The following PZP variants were observed in gnomAD, a reference collection of about 807,000 sequenced individuals.
PZP encodes the protein PZP alpha-2-macroglobulin like, also known as pregnancy zone protein.
PZP carries 150 observed loss-of-function variants against 179.8 expected under a neutral mutation model. The ratio of observed to expected loss-of-function variants is 0.83; its 90% CI spans 0.73 to 0.96. PZP has a LOEUF of 0.96. Among genes scored for constraint, PZP ranks in the 40% least tolerant of loss-of-function variants. The pLI is 0.00. For synonymous variants in PZP, 624 were observed against 652.3 expected, an observed-to-expected ratio of 0.96 and a Z score of 0.66; for missense variants, 1,689 against 1,764.0, an observed-to-expected ratio of 0.96 and a Z score of 0.76.
At chr12:9,162,381 G>A in intron 22 of PZP, 2 of 521,088 alleles carry the variant, frequency 3.8e-6, no homozygotes, top group East Asian at 3.4e-5. Context: ...GAAAGCCCAG[G>A]TATTAGTCCT....
intron 13 of PZP, among the ~76,000 whole-genome samples, chr12:9,189,952 C>T (rs1347825717): frequency 6.6e-6 from 1 of 152,056 alleles, no homozygotes; most frequent in East Asian, 1.9e-4. Flanking sequence ...ATTATCATCT[C>T]ACATCAGTCA....
At chr12:9,185,098 A>G (rs926963780) in intron 13 of PZP, among the ~76,000 whole-genome samples, 2 of 152,238 alleles carry the variant, frequency 1.3e-5, no homozygotes, top group African/African-American at 4.8e-5. Flanking sequence ...AAATGACAGA[A>G]ATAGAATTCA....
intron 2 of PZP, 33 bp downstream of exon 2, chr12:9,203,735 G>C (rs372309398): frequency 1.9e-6 from 3 of 1,610,542 alleles, no homozygotes; most frequent in Non-Finnish European, 2.5e-6. Flanking sequence ...AATGTATCAA[G>C]CAGGGATAGC....
In PZP at chr12:9,197,007, C is replaced by T. The variant is rs1359134394; in HGVS notation, c.867+5G>A. The T allele has an allele frequency of 1.3e-6, 2 of 1,588,060 alleles. No homozygotes were observed. The highest frequency in any genetic ancestry group is 2.2e-5 in the East Asian group (1 of 44,736). ...TAGCACTGAGGGAGAATACCGCCTA[C>T]TAACCTGTTGACTGAATTCCTCACA... is the stretch of plus-strand genomic sequence containing the variant. On this transcript the variant is annotated splice_donor_5th_base_variant and intron_variant, in intron 8 of 35. Transcript: ENST00000261336.
chr12:9,200,429 G>A lies in PZP; in HGVS notation c.690C>T (p.Val230=). 2 of 1,610,370 alleles carry A rather than the reference G, an allele frequency of 1.2e-6. No individual in the cohort carries two copies. The highest frequency in any genetic ancestry group is 2.2e-5 in the South Asian group (2 of 90,972). Residue 230 remains valine (V), a synonymous_variant, in exon 7 of 36, where the codon GTC becomes GTT. Transcript: ENST00000261336. The stretch of plus-strand genomic sequence containing the variant: ...TGATTATCTTTGGCACCTGAACTTT[G>A]ACCTCAAACTTGGGAAGCACTGTTA... The part of the protein sequence containing the change: ...VEEFVLPKFE[V]KVQVPKIISI...
At chr12:9,173,943 T>C (rs1014506203) in intron 15 of PZP, among the ~76,000 whole-genome samples, 2 of 152,064 alleles carry the variant, frequency 1.3e-5, no homozygotes, top group African/African-American at 4.8e-5. Context: ...ATTCCAAAAA[T>C]TGAAAAGGAG....
At position 9,181,129 on chromosome 12, in the gene PZP, C is replaced by T; in HGVS notation, c.1693G>A (p.Asp565Asn). 6.2e-7 allele frequency: 1 copy of T among 1,614,056 alleles called. No individual in the cohort carries two copies. Among genetic ancestry groups the T allele is most frequent in the Non-Finnish European group, 8.5e-7 (1 of 1,179,972 alleles). ...EIENCLANKV[D>N]LSFSPAQSPP... is the part of the protein sequence containing the mutation. ...CTTTGTGCTGGGCTGAAGCTCAAAT[C>T]CACCTGTGGGAAATGAAGGAAACGT... The change falls in exon 15 of 36, where the codon GAT becomes AAT. Residue 565 changes from aspartate to asparagine, a missense_variant. Asp to Asn is a conservative substitution (Grantham distance 23). Coordinates refer to ENST00000261336, the MANE Select transcript of PZP (RefSeq NM_002864.3).
At chr12:9,190,799 AT>A (rs769291007) in intron 13 of PZP, among the ~76,000 whole-genome samples, 15 of 152,298 alleles carry the variant, frequency 9.8e-5, no homozygotes, top group Non-Finnish European at 1.6e-4. Context: ...GGTAATAATA[AT>A]TTGGACAGTA....
rs1565671601 is a variant in PZP, at chr12:9,203,810, G to C, written c.225C>G (p.Asp75Glu). 6.2e-7 allele frequency: 1 copy of C among 1,614,006 alleles called. No individual in the cohort carries two copies. The highest frequency in any genetic ancestry group is 1.3e-5 in the African/African-American group (1 of 74,916). ...SGRENRSLFTDLVAEKDLFHC... is the reference protein window; with the variant it reads ...SGRENRSLFTELVAEKDLFHC... ...GGAATAAGTCCTTCTCCGCCACCAGGTCAGTGAAGAGGCTCCTGTTTTCCC... is the reference window on the plus strand; with the variant it reads ...GGAATAAGTCCTTCTCCGCCACCAGCTCAGTGAAGAGGCTCCTGTTTTCCC... Residue 75 changes from aspartate to glutamate, a missense_variant, in exon 2 of 36, where the codon GAC (aspartate) becomes GAG (glutamate). Asp to Glu is a conservative substitution (Grantham distance 45, BLOSUM62 2). This residue lies in a region of PZP where 742 missense variants were observed against 730.5 expected (regional missense o/e 1.02). Transcript: ENST00000261336.
the PZP span, among the ~76,000 whole-genome samples, chr12:9,138,649 G>T: frequency 6.6e-6 from 1 of 151,884 alleles, no homozygotes; most frequent in Non-Finnish European, 1.5e-5. Flanking sequence ...TTGTTAGAAG[G>T]ATTTTTGTTA....
chr12:9,163,496 A>G (rs1432363864), intron 21 of PZP, among the ~76,000 whole-genome samples, 172 bp downstream of exon 21: 1 of 152,230 alleles, frequency 6.6e-6, no homozygotes, highest in South Asian at 2.1e-4. Flanking sequence ...TGTGAAAAAA[A>G]ATTTACAATA....
intron 11 of PZP, 32 bp downstream of exon 11, chr12:9,194,045 T>G: frequency 6.3e-7 from 1 of 1,581,044 alleles, no homozygotes; most frequent in Non-Finnish European, 8.7e-7. Flanking sequence ...AACATTTCCT[T>G]TGTCCTCAGA....
chr12:9,152,351 G>T (rs767814252), intron 31 of PZP, 41 bp from the exon 32 acceptor site: 64 of 1,454,394 alleles, frequency 4.4e-5, no homozygotes, highest in Non-Finnish European at 6.1e-5. Flanking sequence ...TTTTATACGT[G>T]AAAGAAAGCC....
intron 29 of PZP, 121 bp downstream of exon 29, chr12:9,154,495 A>G (rs999968585): frequency 2.0e-6 from 2 of 1,008,258 alleles, no homozygotes; most frequent in African/African-American, 3.3e-5. Context: ...GTCCTCAAAT[A>G]TTCCTAAATA....
intron 11 of PZP, 102 bp downstream of exon 11, chr12:9,193,972 ATCT>A (rs1943600547): frequency 2.7e-6 from 3 of 1,112,902 alleles, no homozygotes; most frequent in Non-Finnish European, 3.7e-6. Flanking sequence ...AAAGTTAGAT[ATCT>A]TCTTATTTCT....
Position 9,161,113 on chromosome 12 carries a change from G to A in PZP, c.2792C>T (p.Ala931Val), listed in dbSNP as rs1941172320. ...TFSSMTCASG[A>V]NVSEQLSLKL... ...CAAGGACAACTGCTCAGACACATTA[G>A]CACCTTTAGAAACAGACAGCCCATG... is the stretch of plus-strand genomic sequence containing the variant. Residue 931 changes from alanine (A) to valine (V), a missense_variant, in exon 23 of 36, where the codon GCT becomes GTT. Physicochemically the swap from Ala to Val is moderately conservative, Grantham distance 64. Transcript: ENST00000261336. 6.4e-7 allele frequency: 1 copy of A among 1,572,488 alleles called. No homozygotes were observed. Among genetic ancestry groups the A allele is most frequent in the Non-Finnish European group, 8.7e-7 (1 of 1,148,662 alleles).
intron 32 of PZP, among the ~76,000 whole-genome samples, chr12:9,151,939 C>T (rs1940389154): frequency 6.6e-6 from 1 of 152,072 alleles, no homozygotes; most frequent in African/African-American, 2.4e-5. Flanking sequence ...AAACCATATC[C>T]TATCTTTCTT....
At chr12:9,196,207 T>C (rs1461903422) in intron 10 of PZP, 123 bp downstream of exon 10, 6 of 586,958 alleles carry the variant, frequency 1.0e-5, no homozygotes, top group Non-Finnish European at 1.8e-5. Flanking sequence ...TTCTCCTTGG[T>C]TTCATGGTTT....
Position 9,159,973 on chromosome 12 carries a change from A to G in PZP, c.3102T>C (p.Phe1034=), listed in dbSNP as rs772633254. Reference sequence around the variant, plus strand: ...CCTGGTTCCTGCCATATCGTTCCCCAAAGGTGCTGTAGGAGCCATCTTGGT... The same window carrying G: ...CCTGGTTCCTGCCATATCGTTCCCCGAAGGTGCTGTAGGAGCCATCTTGGT... The part of the protein sequence containing the change: ...YKHQDGSYST[F]GERYGRNQGN... The change falls in exon 25 of 36, where the codon TTT becomes TTC. Residue 1034 remains phenylalanine (F), a synonymous_variant. Transcript: ENST00000261336. 7 of 1,613,798 alleles carry G rather than the reference A, an allele frequency of 4.3e-6. No individual in the cohort carries two copies. In the East Asian group the frequency reaches 1.3e-4, roughly 31 times the overall value.
Sources: gnomAD v4.1 joint callset for allele counts (sites outside exome capture counted in the v4.1 genomes callset) on GRCh38, gnomAD v4.1.1 for gene constraint, gnomAD v4.1.1 regional missense constraint, MANE v1.5 for transcripts, NCBI Gene and HGNC (gene_info 2026-07-23, HGNC 2026-07-21) for gene names.